The following HK1 variants were observed in gnomAD, a reference collection of about 807,000 sequenced individuals.
HK1 encodes the protein hexokinase-1.
In HK1, 28 loss-of-function variants were observed where a neutral mutation model predicts 91.6. The ratio of observed to expected loss-of-function variants is 0.31; its 90% CI spans 0.23 to 0.42. The LOEUF (loss-of-function observed/expected upper bound fraction) is 0.42. Among genes scored for constraint, HK1 ranks in the 10% least tolerant of loss-of-function variants. HK1 has a pLI of 1.00. For synonymous variants in HK1, 430 were observed against 468.1 expected (o/e 0.92, Z 1.05); for missense variants, 770 against 1,219.8 (o/e 0.63, Z 5.49).
chr10:69,338,295 A>G lies in HK1; in HGVS notation c.64-5532A>G, dbSNP rs1373090136. On this transcript the variant is annotated intron_variant, in intron 1 of 17. Coordinates refer to ENST00000359426, the MANE Select transcript of HK1 (RefSeq NM_000188.3). ...GGTGGACAGAGGCCCTGGAGGCTGG[A>G]TGCGGGTTCTCAGGCAAGAGTCTGA... The G allele has an allele frequency of 2.5e-6, 3 of 1,179,018 alleles. No individual in the cohort carries two copies. The African/African-American group carries it at 4.8e-5, about 19-fold the overall frequency. The allele number at this position is 1,179,018 out of a possible 1,614,324, so 73.0% of individuals were successfully genotyped here.
chr10:69,352,213 G>A lies in HK1; in HGVS notation c.227-7684G>A, dbSNP rs999780121. On this transcript the variant is annotated intron_variant, in intron 2 of 17. Transcript: ENST00000359426. The stretch of plus-strand genomic sequence containing the variant: ...TCTCCATGTTGGCCAGGCTGGTCTC[G>A]AACTCCTGACCTCAAGTGATCCACC... Among the ~76,000 whole-genome samples, 9 of 151,974 alleles carry A rather than the reference G, an allele frequency of 5.9e-5. No homozygotes were observed. In the East Asian group the frequency reaches 1.7e-3, roughly 29 times the overall value.
upstream of HK1, among the ~76,000 whole-genome samples, chr10:69,316,978 G>A (rs1480233786): frequency 6.6e-6 from 1 of 152,166 alleles, no homozygotes; most frequent in African/African-American, 2.4e-5. Context: ...TGTTTGATGT[G>A]TACCAGAAAA....
At chr10:69,335,016 T>G (rs1238376416) in intron 1 of HK1, among the ~76,000 whole-genome samples, 1 of 152,050 alleles carries the variant, frequency 6.6e-6, no homozygotes, top group African/African-American at 2.4e-5. Context: ...GAAGGACCTT[T>G]GAGGTGATGA....
chr10:69,317,897 C>T, upstream of HK1: 1 of 224,876 alleles, frequency 4.4e-6, no homozygotes, highest in East Asian at 1.8e-4. Flanking sequence ...CCTAAAGTGG[C>T]TGTCCTGGTA....
chr10:69,271,954 C>T (rs7095547), intron 1 of HK1, among the ~76,000 whole-genome samples: 59,457 of 151,956 alleles, frequency 0.39, 11,939 homozygotes, highest in South Asian at 0.51. Flanking sequence ...ACCTCCACCC[C>T]CTGGGTTCAG....
Position 69,401,806 on chromosome 10 carries a change from A to G in HK1, c.*671A>G, listed in dbSNP as rs1840405136. 6.1e-6 allele frequency: 1 copy of G among 164,198 alleles called. No homozygotes were observed. The highest frequency in any genetic ancestry group is 1.4e-4 in the South Asian group (1 of 7,056). 10.2% of individuals were successfully genotyped at this position (164,198 alleles called of 1,614,324 possible). On this transcript the variant is annotated 3_prime_UTR_variant, in exon 18 of 18. Coordinates refer to ENST00000359426, the MANE Select transcript of HK1 (RefSeq NM_000188.3). The stretch of plus-strand genomic sequence containing the variant: ...TTTGGATAAAAGGAACCAACCAACA[A>G]ACAATGCCATCACTGGAATTTCCCA...
chr10:69,301,786 C>T (rs2132502521), intron 5 of HK1, among the ~76,000 whole-genome samples: 1 of 152,148 alleles, frequency 6.6e-6, no homozygotes, highest in East Asian at 1.9e-4. Context: ...GGTAAACTCC[C>T]CAAATTAATA....
At chr10:69,292,692 G>T (rs1455098933) in intron 3 of HK1, among the ~76,000 whole-genome samples, 1 of 152,164 alleles carries the variant, frequency 6.6e-6, no homozygotes, top group African/African-American at 2.4e-5. Context: ...CAGATAAAGG[G>T]CTGAGGAGGG....
intron 4 of HK1, among the ~76,000 whole-genome samples, chr10:69,365,265 G>C (rs1382498319): frequency 6.6e-6 from 1 of 152,092 alleles, no homozygotes; most frequent in Admixed American, 6.5e-5. Context: ...AACTGCCCTG[G>C]TTACTGCGAA....
chr10:69,367,709 C>G (rs1485284805), intron 4 of HK1, among the ~76,000 whole-genome samples: 2 of 152,038 alleles, frequency 1.3e-5, no homozygotes, highest in Non-Finnish European at 2.9e-5. Flanking sequence ...CTCTGCAGGC[C>G]TGCGGGGCCT....
chr10:69,318,243 G>A (rs556143421), upstream of HK1: 390 of 985,116 alleles, frequency 4.0e-4, no homozygotes, highest in Non-Finnish European at 4.5e-4. Flanking sequence ...CAGGTAGGCC[G>A]GTGCGTTCGG....
At chr10:69,271,671 G>A (rs909193080) in intron 1 of HK1, among the ~76,000 whole-genome samples, 1 of 151,648 alleles carries the variant, frequency 6.6e-6, no homozygotes, top group African/African-American at 2.4e-5. Flanking sequence ...TAGAGATGGG[G>A]TTTCACCATG....
chr10:69,276,118 A>AAAAAATAT lies in HK1; in HGVS notation c.-391+6011_-391+6012insAAAATATA. 7.8e-4 allele frequency among the ~76,000 whole-genome samples: 30 copies of AAAAAATAT among 38,268 alleles called. 2 individuals carry two copies. Among genetic ancestry groups the AAAAAATAT allele is most frequent in the South Asian group, 1.6e-3 (1 of 644 alleles). The allele number at this position is 38,268 out of a possible 152,430, so 25.1% of individuals were successfully genotyped here. On this transcript the variant is annotated intron_variant, in intron 1 of 21. Transcript: ENST00000360289. Reference sequence around the variant, plus strand: ...AAAAAAAAAAAAAAAAAAAAAAAAAAATACATATATATATATATATACACA... The same window carrying AAAAAATAT: ...AAAAAAAAAAAAAAAAAAAAAAAAAAAAAAATATATACATATATATATATATATACACA...
At chr10:69,334,565 C>T (rs896796063) in intron 1 of HK1, among the ~76,000 whole-genome samples, 1 of 152,130 alleles carries the variant, frequency 6.6e-6, no homozygotes, top group Non-Finnish European at 1.5e-5. Context: ...GGGAAGTCTC[C>T]GGGCCTTATC....
chr10:69,326,667 A>G (rs532622319), intron 1 of HK1, among the ~76,000 whole-genome samples: 1 of 152,352 alleles, frequency 6.6e-6, no homozygotes, highest in East Asian at 1.9e-4. Context: ...TTTGAGGCAC[A>G]TAAAAGAAGA....
Position 69,318,859 on chromosome 10 carries a change from C to A in HK1, c.-89C>A. ...GGGGGAGGAGGAGGAGGAGGAGCCG[C>A]CGAGCAGCCGCCGGAGGACCACGGC... is the stretch of plus-strand genomic sequence containing the variant. On this transcript the variant is annotated 5_prime_UTR_variant, in exon 1 of 18. Coordinates refer to ENST00000359426, the MANE Select transcript of HK1 (RefSeq NM_000188.3). 6.7e-7 allele frequency: 1 copy of A among 1,497,696 alleles called. No individual in the cohort carries two copies. Among genetic ancestry groups the A allele is most frequent in the Non-Finnish European group, 8.9e-7 (1 of 1,124,782 alleles). 92.8% of individuals were successfully genotyped at this position (1,497,696 alleles called of 1,614,324 possible). A position where few individuals can be genotyped will look rare whatever the true frequency, so the allele number is the denominator to read the frequency against.
chr10:69,384,260 G>C, intron 10 of HK1, 73 bp from the exon 11 acceptor site: 3 of 1,574,516 alleles, frequency 1.9e-6, no homozygotes, highest in Non-Finnish European at 1.7e-6. Context: ...TGAAAGTCTG[G>C]AGTCTTGGGG....
At chr10:69,316,003 T>G, upstream of HK1, 2 of 1,613,924 alleles carry the variant, frequency 1.2e-6, no homozygotes, top group Non-Finnish European at 1.7e-6. Flanking sequence ...TGCTGAGGCC[T>G]GGGAGATTGG....
chr10:69,343,849 T>C lies in HK1; in HGVS notation c.86T>C (p.Met29Thr), dbSNP rs1014528063. The C allele has an allele frequency of 1.9e-5, 30 of 1,613,788 alleles. No individual in the cohort carries two copies. Among genetic ancestry groups the C allele is most frequent in the Non-Finnish European group, 2.5e-5 (29 of 1,179,748 alleles). The change falls in exon 2 of 18, where the codon ATG (methionine) becomes ACG (threonine). Residue 29 changes from methionine to threonine, a missense_variant. Met to Thr is a moderately conservative substitution (Grantham distance 81). Coordinates refer to ENST00000359426, the MANE Select transcript of HK1 (RefSeq NM_000188.3). ...VKKIDKYLYAMRLSDETLIDI... is the reference protein window; with the variant it reads ...VKKIDKYLYATRLSDETLIDI... ...CAGATTGACAAGTATCTCTATGCCA[T>C]GCGGCTCTCCGATGAAACTCTCATA...
Sources: gnomAD v4.1 joint callset for allele counts (sites outside exome capture counted in the v4.1 genomes callset) on GRCh38, gnomAD v4.1.1 for gene constraint, MANE v1.5 for transcripts, NCBI Gene and HGNC (gene_info 2026-07-23, HGNC 2026-07-21) for gene names.